GNG5: variants seen among roughly 807,000 people sequenced by gnomAD.
GNG5 encodes the protein guanine nucleotide-binding protein G(I)/G(S)/G(O) subunit gamma-5.
A neutral mutation model predicts 6.2 loss-of-function variants in GNG5; 2 were observed. The ratio of observed to expected loss-of-function variants is 0.32; its 90% CI spans 0.13 to 1.01. The LOEUF is 1.01. Ranked by LOEUF, GNG5 falls within the 50% of genes least tolerant of loss-of-function variation. GNG5 has a pLI of 0.48. For synonymous variants in GNG5, 24 were observed against 33.0 expected (o/e 0.73, Z 0.93); for missense variants, 57 against 80.2 (o/e 0.71, Z 1.10).
chr1:84,506,284 C>T lies in GNG5; in HGVS notation c.-193G>A. On this transcript the variant is annotated 5_prime_UTR_variant, in exon 2 of 4. Coordinates refer to ENST00000370645, the MANE Select transcript of GNG5 (RefSeq NM_005274.3). Reference sequence around the variant, plus strand: ...CCAGCCCTCTGTTCCAGCTCCACACCCGGCCCCGAGCGCGAGCCTGGAGGA... The same window carrying T: ...CCAGCCCTCTGTTCCAGCTCCACACTCGGCCCCGAGCGCGAGCCTGGAGGA... The T allele has an allele frequency of 2.3e-6, 1 of 436,194 alleles. No individual in the cohort carries two copies. 27.0% of individuals were successfully genotyped at this position (436,194 alleles called of 1,614,324 possible). A position where few individuals can be genotyped will look rare whatever the true frequency, so the allele number is the denominator to read the frequency against.
chr1:84,499,138 T>C (rs1342338150), intron 3 of GNG5, among the ~76,000 whole-genome samples: 3 of 152,282 alleles, frequency 2.0e-5, no homozygotes, highest in African/African-American at 4.8e-5. Context: ...AACTAAAAGA[T>C]TTAAAAAATG....
intron 2 of GNG5, 107 bp downstream of exon 2, chr1:84,505,904 G>C (rs1360905060): frequency 2.3e-5 from 18 of 770,956 alleles, no homozygotes; most frequent in Admixed American, 4.5e-5. Context: ...TCCTCTCCAG[G>C]GGAAGCGAGG....
chr1:84,502,956 A>G (rs531332476), intron 2 of GNG5, among the ~76,000 whole-genome samples: 8 of 152,392 alleles, frequency 5.2e-5, no homozygotes, highest in African/African-American at 1.9e-4. Flanking sequence ...AAGTTCCTTA[A>G]GTCCTGTTTG....
At chr1:84,505,599 A>G (rs1570364754) in intron 2 of GNG5, among the ~76,000 whole-genome samples, 1 of 152,240 alleles carries the variant, frequency 6.6e-6, no homozygotes, top group East Asian at 1.9e-4. Context: ...CTCTGAATCA[A>G]AAGTCGGAAA....
intron 2 of GNG5, chr1:84,503,497 A>AT (rs1262964415): frequency 2.0e-5 from 3 of 152,344 alleles, no homozygotes; most frequent in African/African-American, 7.2e-5. Context: ...TAAAAGAAGT[A>AT]TTTTTACAAA....
chr1:84,499,292 G>T (rs569916758), intron 3 of GNG5, among the ~76,000 whole-genome samples: 1 of 152,288 alleles, frequency 6.6e-6, no homozygotes, highest in East Asian at 1.9e-4. Context: ...TAAACAGAAT[G>T]CTGTGAAAAA....
chr1:84,502,386 C>A (rs147150525), intron 2 of GNG5, among the ~76,000 whole-genome samples: 1,808 of 152,138 alleles, frequency 0.012, 49 homozygotes, highest in African/African-American at 0.041. Flanking sequence ...CCCACCTCGG[C>A]CTCCCAAAGT....
intron 3 of GNG5, among the ~76,000 whole-genome samples, chr1:84,498,788 A>T (rs1681993372): frequency 6.6e-6 from 1 of 152,210 alleles, no homozygotes; most frequent in South Asian, 2.1e-4. Flanking sequence ...GTATATAATA[A>T]AAAAGGTTAA....
At chr1:84,504,968 T>C (rs140873353) in intron 2 of GNG5, among the ~76,000 whole-genome samples, 5 of 152,220 alleles carry the variant, frequency 3.3e-5, no homozygotes, top group African/African-American at 7.2e-5. Context: ...TAAGAAAGCT[T>C]AGAGACCCTC....
At chr1:84,500,041 G>A (rs78289722) in intron 3 of GNG5, among the ~76,000 whole-genome samples, 8,197 of 152,198 alleles carry the variant, frequency 0.054, 307 homozygotes, top group Non-Finnish European at 0.077. Context: ...GCAGTGAGCC[G>A]AGACTGCGCC....
At chr1:84,500,574 A>G (rs986369525) in intron 3 of GNG5, among the ~76,000 whole-genome samples, 5 of 152,252 alleles carry the variant, frequency 3.3e-5, no homozygotes, top group African/African-American at 1.2e-4. Flanking sequence ...AAAAACTACC[A>G]TGAAGAATTA....
At chr1:84,500,608 G>A (rs1682038792) in intron 3 of GNG5, among the ~76,000 whole-genome samples, 1 of 152,084 alleles carries the variant, frequency 6.6e-6, no homozygotes, top group Admixed American at 6.5e-5. Context: ...AGAAACAAAG[G>A]ATATTATAAT....
intron 3 of GNG5, among the ~76,000 whole-genome samples, chr1:84,500,284 T>C (rs1349078990): frequency 6.6e-6 from 1 of 152,216 alleles, no homozygotes; most frequent in Admixed American, 6.5e-5. Context: ...CCAATTATTA[T>C]TCTCCTAGCC....
At position 84,506,016 on chromosome 1, in the gene GNG5, C is replaced by G; in HGVS notation, c.76G>C (p.Val26Leu). The G allele has an allele frequency of 6.4e-7, 1 of 1,554,168 alleles. No individual in the cohort carries two copies. The highest frequency in any genetic ancestry group is 1.9e-5 in the Admixed American group (1 of 52,090). Residue 26 changes from valine (V) to leucine (L), a missense_variant, in exon 2 of 4, where the codon GTA becomes CTA. Transcript: ENST00000370645. ...GGCCGCCCGCCCCCGCTCACTTTTACGCGGTTGAGTCCGGCCTCCAGCCGG... is the reference window on the plus strand; with the variant it reads ...GGCCGCCCGCCCCCGCTCACTTTTAGGCGGTTGAGTCCGGCCTCCAGCCGG... ...QLRLEAGLNRVKVSQAAADLK... is the reference protein window; with the variant it reads ...QLRLEAGLNRLKVSQAAADLK...
intron 2 of GNG5, among the ~76,000 whole-genome samples, chr1:84,502,854 G>C (rs1000162749): frequency 6.6e-6 from 1 of 152,170 alleles, no homozygotes; most frequent in South Asian, 2.1e-4. Flanking sequence ...CAAATTAAAA[G>C]AGGCATGCAT....
At chr1:84,500,953 A>G (rs1473460377) in intron 3 of GNG5, among the ~76,000 whole-genome samples, 2 of 152,226 alleles carry the variant, frequency 1.3e-5, no homozygotes, top group African/African-American at 2.4e-5. Flanking sequence ...TCATAGGTCA[A>G]TACTAATGAG....
intron 3 of GNG5, among the ~76,000 whole-genome samples, chr1:84,499,424 A>G (rs1682007411): frequency 6.6e-6 from 1 of 152,234 alleles, no homozygotes; most frequent in South Asian, 2.1e-4. Flanking sequence ...TATCAAGTAC[A>G]ACGTTGTAAA....
rs760418655 is a variant in GNG5 at position 84,506,118 on chromosome 1, G to C, written c.-27C>G. 10 of 1,562,514 alleles carry C rather than the reference G, an allele frequency of 6.4e-6. No homozygotes were observed. The East Asian group carries it at 2.6e-4, about 40-fold the overall frequency. ...GTGCACGCGACGGCCGGGCCGATTC[G>C]TGGGTCGGTGGGTCGTGGGCCGTGG... On this transcript the variant is annotated 5_prime_UTR_variant, in exon 2 of 4. Transcript: ENST00000370645.
chr1:84,501,303 C>T (rs1268076647), intron 3 of GNG5, among the ~76,000 whole-genome samples: 1 of 152,192 alleles, frequency 6.6e-6, no homozygotes, highest in African/African-American at 2.4e-5. Flanking sequence ...CACTGGCTTA[C>T]TCAATTACAT....
Sources: allele counts gnomAD v4.1 joint callset (sites outside exome capture counted in the v4.1 genomes callset), GRCh38; gene constraint gnomAD v4.1.1; transcripts MANE v1.5; gene names NCBI Gene and HGNC (gene_info 2026-07-23, HGNC 2026-07-21).